Variants in PAFAH2 observed in about 807,000 individuals in gnomAD.
The protein encoded by PAFAH2 is platelet activating factor acetylhydrolase 2.
In PAFAH2, 42 loss-of-function variants were observed where a neutral mutation model predicts 49.0. That is an observed-to-expected ratio of 0.86 (90% confidence interval 0.67 to 1.11). The LOEUF is 1.11. Among genes scored for constraint, PAFAH2 ranks in the 50% least tolerant of loss-of-function variants. The probability of loss-of-function intolerance (pLI) is 0.00; values close to 1 mark genes in which losing one functional copy is unlikely to be tolerated. For missense variants in PAFAH2, 503 were observed against 501.8 expected (o/e 1.00, Z -0.02); for synonymous variants, 184 against 181.3 (o/e 1.01, Z -0.12).
At chr1:25,976,577 C>G in intron 8 of PAFAH2, 105 bp downstream of exon 8, 1 of 726,590 alleles carries the variant, frequency 1.4e-6, no homozygotes, top group Non-Finnish European at 2.3e-6. Flanking sequence ...GCTGAATCCT[C>G]AGTCCCTAAA....
chr1:25,977,633 T>TGAGA (rs1158402306), intron 7 of PAFAH2, among the ~76,000 whole-genome samples: 1 of 136,024 alleles, frequency 7.4e-6, no homozygotes, highest in African/African-American at 2.8e-5. Flanking sequence ...CCAGCCTGGG[T>TGAGA]GAGAGTGAGA....
intron 7 of PAFAH2, among the ~76,000 whole-genome samples, chr1:25,979,962 A>G (rs559340316): frequency 1.3e-5 from 2 of 152,176 alleles, no homozygotes; most frequent in Non-Finnish European, 2.9e-5. Flanking sequence ...CTCAGTGCCC[A>G]GGGCACCTCC....
chr1:25,980,631 A>ATTTT (rs1430702055), intron 7 of PAFAH2, among the ~76,000 whole-genome samples: 59 of 145,604 alleles, frequency 4.1e-4, no homozygotes, highest in African/African-American at 1.5e-3. Context: ...ATATATATAT[A>ATTTT]TTTTATATAT....
Position 25,974,517 on chromosome 1 carries a change from A to G in PAFAH2, c.892T>C (p.Cys298Arg), listed in dbSNP as rs752532536. Residue 298 changes from cysteine to arginine, a missense_variant, in exon 9 of 11, where the codon TGT (cysteine) becomes CGT (arginine). Physicochemically the swap from Cys to Arg is radical, Grantham distance 180. Coordinates refer to ENST00000374282, the MANE Select transcript of PAFAH2 (RefSeq NM_000437.4). ...MESVNLMKKICAQHEQSRIIT... is the reference protein window; with the variant it reads ...MESVNLMKKIRAQHEQSRIIT... ...ATCCTAGACTGTTCATGCTGGGCAC[A>G]TATCTTCTTCATCAAATTGACACTC... 1.9e-6 allele frequency: 3 copies of G among 1,614,040 alleles called. No individual in the cohort carries two copies. The highest frequency in any genetic ancestry group is 2.5e-6 in the Non-Finnish European group (3 of 1,179,988).
chr1:25,994,816 C>T (rs146724960), intron 1 of PAFAH2, among the ~76,000 whole-genome samples: 58 of 152,228 alleles, frequency 3.8e-4, no homozygotes, highest in African/African-American at 1.4e-3. Context: ...CAGAAGACAG[C>T]AGAACTCTCT....
At chr1:25,986,203 G>C (rs1572360245) in intron 4 of PAFAH2, among the ~76,000 whole-genome samples, 1 of 152,262 alleles carries the variant, frequency 6.6e-6, no homozygotes, top group East Asian at 1.9e-4. Context: ...ATATAATATA[G>C]GTGTCAAGAT....
intron 4 of PAFAH2, among the ~76,000 whole-genome samples, chr1:25,986,734 T>G (rs1308951087): frequency 6.6e-6 from 1 of 151,952 alleles, no homozygotes; most frequent in Non-Finnish European, 1.5e-5. Flanking sequence ...TTTCTCCATG[T>G]TGGTCAGGCT....
intron 10 of PAFAH2, among the ~76,000 whole-genome samples, chr1:25,971,796 G>A (rs1391885196): frequency 6.6e-6 from 1 of 152,158 alleles, no homozygotes; most frequent in Non-Finnish European, 1.5e-5. Flanking sequence ...ACCTCTGCAG[G>A]CCTCGCCCTT....
intron 9 of PAFAH2, among the ~76,000 whole-genome samples, chr1:25,974,198 A>G (rs1358218938): frequency 6.6e-6 from 1 of 152,128 alleles, no homozygotes; most frequent in African/African-American, 2.4e-5. Context: ...AACCCACACC[A>G]CTTCCTTTCC....
At chr1:25,984,845 C>CTTTTTTTTTTT in intron 4 of PAFAH2, among the ~76,000 whole-genome samples, 1 of 104,284 alleles carries the variant, frequency 9.6e-6, no homozygotes, top group Non-Finnish European at 1.8e-5. Context: ...AGAGAGATTT[C>CTTTTTTTTTTT]TTTTTTTTTT....
chr1:25,962,543 C>A (rs566459823), intron 10 of PAFAH2, among the ~76,000 whole-genome samples: 77 of 152,274 alleles, frequency 5.1e-4, no homozygotes, highest in African/African-American at 1.6e-3. Flanking sequence ...GCAGAGAGGG[C>A]TGGGCATGGT....
At chr1:25,973,490 T>A (rs1257984412) in intron 9 of PAFAH2, among the ~76,000 whole-genome samples, 3 of 152,216 alleles carry the variant, frequency 2.0e-5, no homozygotes, top group Non-Finnish European at 2.9e-5. Context: ...CTCAGTTGAA[T>A]AAACGATACA....
chr1:25,978,982 A>G (rs2049638057), intron 7 of PAFAH2, among the ~76,000 whole-genome samples: 2 of 152,250 alleles, frequency 1.3e-5, no homozygotes, highest in South Asian at 4.1e-4. Context: ...GGAATGAATA[A>G]CACTGTCCAT....
chr1:25,992,213 G>A lies in PAFAH2; in HGVS notation c.-47-1350C>T, dbSNP rs542422253. The stretch of plus-strand genomic sequence containing the variant: ...CCCAAGTAGCTGGGATTACAGGTAA[G>A]AGCCACCACACCCAGCTTTTAAACT... On this transcript the variant is annotated intron_variant, in intron 1 of 10. Coordinates refer to ENST00000374282, the MANE Select transcript of PAFAH2 (RefSeq NM_000437.4). 2.4e-3 allele frequency among the ~76,000 whole-genome samples: 358 copies of A among 152,270 alleles called. 3 individuals carry two copies. Among genetic ancestry groups the A allele is most frequent in the African/African-American group, 8.2e-3 (341 of 41,530 alleles).
At chr1:25,980,612 T>TTG (rs1491177273) in intron 7 of PAFAH2, among the ~76,000 whole-genome samples, 208 of 19,504 alleles carry the variant, frequency 0.011, no homozygotes, top group Middle Eastern at 0.033. Context: ...GGGCCATATT[T>TTG]ATATATATAT....
chr1:25,986,042 G>A (rs2124358028), intron 4 of PAFAH2, among the ~76,000 whole-genome samples: 1 of 152,368 alleles, frequency 6.6e-6, no homozygotes, highest in Admixed American at 6.5e-5. Context: ...ATAGAAGACA[G>A]ATGTGGTCTC....
chr1:25,979,941 C>G (rs2049657540), intron 7 of PAFAH2, among the ~76,000 whole-genome samples: 1 of 152,214 alleles, frequency 6.6e-6, no homozygotes, highest in Admixed American at 6.5e-5. Context: ...CTCAGGCATT[C>G]AGGCCTGGAC....
chr1:25,978,157 C>T (rs561402198), intron 7 of PAFAH2, among the ~76,000 whole-genome samples: 3 of 152,250 alleles, frequency 2.0e-5, no homozygotes, highest in African/African-American at 7.2e-5. Flanking sequence ...TCCCCCTTCA[C>T]TCAGTACCCT....
In PAFAH2 at chr1:25,976,695, C is replaced by T; in HGVS notation, c.745G>A (p.Glu249Lys). Residue 249 changes from glutamate to lysine, a missense_variant, in exon 8 of 11, where the codon GAG becomes AAG. Transcript: ENST00000374282. ...GATAILALAK[E>K]TQFRCAVALD... ...TAGGAAACTCACCGAAATTGGGTCT[C>T]CTTGGCCAAAGCCAGAATAGCTGTG... 6.2e-7 allele frequency: 1 copy of T among 1,614,128 alleles called. No homozygotes were observed. Among genetic ancestry groups the T allele is most frequent in the Non-Finnish European group, 8.5e-7 (1 of 1,179,940 alleles).
Sources: gnomAD v4.1 joint callset for allele counts (sites outside exome capture counted in the v4.1 genomes callset) on GRCh38, gnomAD v4.1.1 for gene constraint, MANE v1.5 for transcripts, NCBI Gene and HGNC (gene_info 2026-07-23, HGNC 2026-07-21) for gene names.